Variants in ST8SIA5 observed in about 807,000 individuals in gnomAD.
ST8SIA5 encodes the protein alpha-2,8-sialyltransferase 8E.
Under a neutral mutation model 40.2 loss-of-function variants are expected in ST8SIA5, and 24 were observed. The ratio of observed to expected loss-of-function variants is 0.60; its 90% CI spans 0.43 to 0.84. The LOEUF (loss-of-function observed/expected upper bound fraction) is 0.84, where lower values mean the gene tolerates loss of function less well. ST8SIA5 is among the 40% of genes least tolerant of loss of function. ST8SIA5 has a pLI of 0.00. For missense variants in ST8SIA5, 465 were observed against 498.5 expected (o/e 0.93, Z 0.64); for synonymous variants, 198 against 201.8 (o/e 0.98, Z 0.16).
chr18:46,707,176 TA>T (rs962486316), intron 1 of ST8SIA5, among the ~76,000 whole-genome samples: 1 of 152,184 alleles, frequency 6.6e-6, no homozygotes, highest in African/African-American at 2.4e-5. Context: ...TGGTGTCAAC[TA>T]AGCCCTTTGG....
chr18:46,692,555 C>T (rs186542840), intron 2 of ST8SIA5, among the ~76,000 whole-genome samples: 2 of 152,006 alleles, frequency 1.3e-5, no homozygotes, highest in Admixed American at 6.6e-5. Context: ...AGGTGCACCA[C>T]CATGCCTAGC....
chr18:46,695,568 G>A (rs145351915), intron 2 of ST8SIA5, among the ~76,000 whole-genome samples: 1 of 152,348 alleles, frequency 6.6e-6, no homozygotes, highest in Non-Finnish European at 1.5e-5. Flanking sequence ...AAAGCATCCA[G>A]TACATATAAG....
At position 46,704,616 on chromosome 18, in the gene ST8SIA5, G is replaced by C; in HGVS notation, c.180C>G (p.Cys60Trp). The part of the protein sequence containing the change: ...EGPFEYNSTR[C>W]LELRHEILEV... ...CCAATATTTCGTGCCTCAGCTCCAG[G>C]CATCTTGTGGAGTTATATTCAAAAG... The change falls in exon 2 of 7, where the codon TGC (cysteine) becomes TGG (tryptophan). Residue 60 changes from cysteine to tryptophan, a missense_variant. Physicochemically the swap from Cys to Trp is radical, Grantham distance 215. Transcript: ENST00000315087. 1 of 1,614,090 alleles carries C rather than the reference G, an allele frequency of 6.2e-7. No individual in the cohort carries two copies. Among genetic ancestry groups the C allele is most frequent in the Non-Finnish European group, 8.5e-7 (1 of 1,180,026 alleles).
At chr18:46,726,708 G>A (rs1291957040) in intron 1 of ST8SIA5, among the ~76,000 whole-genome samples, 2 of 152,128 alleles carry the variant, frequency 1.3e-5, no homozygotes, top group Non-Finnish European at 2.9e-5. Context: ...CACGAGGTCA[G>A]GAGTTCAAGA....
chr18:46,752,748 C>T (rs2040206530), intron 1 of ST8SIA5, among the ~76,000 whole-genome samples: 1 of 152,248 alleles, frequency 6.6e-6, no homozygotes, highest in Non-Finnish European at 1.5e-5. Flanking sequence ...AAGAGCCTGC[C>T]TTTGCTGTGT....
intron 5 of ST8SIA5, among the ~76,000 whole-genome samples, chr18:46,683,115 T>C (rs1447500112): frequency 6.6e-6 from 1 of 152,138 alleles, no homozygotes; most frequent in Non-Finnish European, 1.5e-5. Context: ...TACATCTACA[T>C]ATGACAAAAC....
chr18:46,705,771 G>A (rs1599117925), intron 1 of ST8SIA5, among the ~76,000 whole-genome samples: 1 of 152,222 alleles, frequency 6.6e-6, no homozygotes, highest in Non-Finnish European at 1.5e-5. Context: ...AGCCTGCAGG[G>A]CCAAACCACT....
intron 5 of ST8SIA5, among the ~76,000 whole-genome samples, chr18:46,685,396 C>T (rs1444350466): frequency 6.6e-6 from 1 of 152,200 alleles, no homozygotes; most frequent in Non-Finnish European, 1.5e-5. Context: ...GACTCCAGAT[C>T]ACAGAGAGAG....
chr18:46,756,332 C>G, intron 1 of ST8SIA5, 46 bp downstream of exon 1: 1 of 1,600,390 alleles, frequency 6.2e-7, no homozygotes, highest in Non-Finnish European at 8.5e-7. Context: ...CCCGGGGGCT[C>G]GCCGGCCGGC....
Position 46,746,382 on chromosome 18 carries a change from A to T in ST8SIA5, c.131+9996T>A, listed in dbSNP as rs373670155. On this transcript the variant is annotated intron_variant, in intron 1 of 6. Transcript: ENST00000315087. ...ACTTCAGCAAAGTCTCAGGATACAA[A>T]ATCAATCTGCAAAAATCACAAGCAT... 1.8e-4 allele frequency among the ~76,000 whole-genome samples: 28 copies of T among 152,322 alleles called. No homozygotes were observed. In the South Asian group the frequency reaches 5.8e-3, roughly 32 times the overall value.
chr18:46,746,841 A>G (rs532443867), intron 1 of ST8SIA5, among the ~76,000 whole-genome samples: 1 of 152,312 alleles, frequency 6.6e-6, no homozygotes, highest in African/African-American at 2.4e-5. Context: ...TACAGTAACC[A>G]AAACAGCATA....
chr18:46,732,842 T>G (rs1027330538), intron 1 of ST8SIA5, among the ~76,000 whole-genome samples: 1 of 150,894 alleles, frequency 6.6e-6, no homozygotes, highest in African/African-American at 2.4e-5. Flanking sequence ...GAAGAAACTG[T>G]GTGAGAGAGT....
At chr18:46,749,896 C>T (rs1417052152) in intron 1 of ST8SIA5, among the ~76,000 whole-genome samples, 7 of 152,054 alleles carry the variant, frequency 4.6e-5, no homozygotes, top group East Asian at 1.9e-4. Flanking sequence ...CCACATAAGA[C>T]GAGGCCAGAG....
At position 46,688,712 on chromosome 18, in the gene ST8SIA5, C is replaced by T. The variant is rs934536866; in HGVS notation, c.456+63G>A. ...AGGCAAAACCCCAGGGACATTGCCA[C>T]GGAGGGCTACTGCTGGATTGGCTCC... On this transcript the variant is annotated intron_variant, in intron 4 of 6. Transcript: ENST00000315087. 35 of 1,555,136 alleles carry T rather than the reference C, an allele frequency of 2.3e-5. 1 individual carries two copies. The highest frequency in any genetic ancestry group is 8.7e-5 in the South Asian group (7 of 80,742).
At chr18:46,742,745 G>A (rs757120603) in intron 1 of ST8SIA5, among the ~76,000 whole-genome samples, 47 of 152,230 alleles carry the variant, frequency 3.1e-4, no homozygotes, top group Non-Finnish European at 5.7e-4. Context: ...TCTGAGAACA[G>A]ACAGACTGCC....
chr18:46,693,700 A>G (rs1385547536), intron 2 of ST8SIA5, among the ~76,000 whole-genome samples: 1 of 152,236 alleles, frequency 6.6e-6, no homozygotes, highest in African/African-American at 2.4e-5. Flanking sequence ...TATTGAGTGA[A>G]TGACTGAGCC....
At chr18:46,739,949 C>G (rs1377342983) in intron 1 of ST8SIA5, among the ~76,000 whole-genome samples, 1 of 152,158 alleles carries the variant, frequency 6.6e-6, no homozygotes, top group Non-Finnish European at 1.5e-5. Context: ...CCTATGGGGT[C>G]CACTGAGGCT....
intron 3 of ST8SIA5, among the ~76,000 whole-genome samples, chr18:46,689,239 A>C (rs2039479156): frequency 6.6e-6 from 1 of 151,960 alleles, no homozygotes; most frequent in African/African-American, 2.4e-5. Flanking sequence ...TTCAGGGCCC[A>C]GGCCAGGCTT....
chr18:46,685,906 C>T (rs2039441416), intron 5 of ST8SIA5: 2 of 460,292 alleles, frequency 4.3e-6, no homozygotes, highest in Admixed American at 6.6e-5. Flanking sequence ...CTGCAAGCTC[C>T]TAAGTCCTCA....
Sources: gnomAD v4.1 joint callset for allele counts (sites outside exome capture counted in the v4.1 genomes callset) on GRCh38, gnomAD v4.1.1 for gene constraint, MANE v1.5 for transcripts, NCBI Gene and HGNC (gene_info 2026-07-23, HGNC 2026-07-21) for gene names.